CAP1: variants seen among roughly 807,000 people sequenced by gnomAD.
CAP1 encodes cyclase associated actin cytoskeleton regulatory protein 1, also known as adenylyl cyclase-associated protein 1.
A neutral mutation model predicts 58.2 loss-of-function variants in CAP1; 11 were observed. The observed-to-expected ratio is 0.19, with a 90% CI of 0.12 to 0.31. The LOEUF is 0.31. CAP1 is among the 10% of genes least tolerant of loss of function. CAP1 has a pLI of 1.00. For synonymous variants in CAP1, 183 were observed against 213.8 expected (o/e 0.86, Z 1.26); for missense variants, 423 against 587.5 (o/e 0.72, Z 2.89).
At chr1:40,045,388 T>C (rs1351047149) in intron 1 of CAP1, among the ~76,000 whole-genome samples, 1 of 152,170 alleles carries the variant, frequency 6.6e-6, no homozygotes, top group Non-Finnish European at 1.5e-5. Context: ...GAATCATTTG[T>C]TTCTGTTGAA....
rs1647736848 is a variant in CAP1, at chr1:40,070,627, G to C, written c.1200+115G>C. ...TCTGATTCTACAAAGTCTGTAAGCT[G>C]AGCTGCTTTGGACGTGGCAGAAGAA... On this transcript the variant is annotated intron_variant, in intron 11 of 12. Transcript: ENST00000372805. 4.8e-6 allele frequency: 5 copies of C among 1,034,358 alleles called. No homozygotes were observed. In the Admixed American group the frequency reaches 5.8e-5, roughly 12 times the overall value. The allele number at this position is 1,034,358 out of a possible 1,614,324, so 64.1% of individuals were successfully genotyped here.
rs139305765 is a variant in CAP1 at position 40,054,845 on chromosome 1, C to T, written c.-10-4492C>T. ...TAGTAGAGATGGGATTTAGTAGAGA[C>T]GGGGTTTTGCCATGTTGGCCAGGCT... On this transcript the variant is annotated intron_variant, in intron 1 of 12. Coordinates refer to ENST00000372805, the MANE Select transcript of CAP1 (RefSeq NM_006367.4). Among the ~76,000 whole-genome samples, 120 of 152,122 alleles carry T rather than the reference C, an allele frequency of 7.9e-4. 1 individual carries two copies. The highest frequency in any genetic ancestry group is 2.4e-3 in the African/African-American group (98 of 41,494).
intron 4 of CAP1, among the ~76,000 whole-genome samples, chr1:40,062,324 G>A (rs115729536): frequency 0.019 from 2,942 of 152,190 alleles, 45 homozygotes; most frequent in Non-Finnish European, 0.032. Flanking sequence ...AAGAATATAG[G>A]TTTCCTTCTT....
intron 10 of CAP1, 32 bp downstream of exon 10, chr1:40,070,314 C>T (rs563784300): frequency 1.3e-5 from 21 of 1,613,458 alleles, no homozygotes; most frequent in African/African-American, 5.3e-5. Context: ...ACGCAAGCCC[C>T]GTCCCAGAGC....
rs556366380 is a variant in CAP1, at chr1:40,068,993, G to A, written c.809-697G>A. ...GACTACAGCACCTGCCACCACACCC[G>A]GCTAATTTTTTTGTACTTTTAGTAG... On this transcript the variant is annotated intron_variant, in intron 8 of 12. Transcript: ENST00000372805. Among the ~76,000 whole-genome samples, 7 of 152,032 alleles carry A rather than the reference G, an allele frequency of 4.6e-5. No homozygotes were observed. The East Asian group carries it at 7.7e-4, about 17-fold the overall frequency.
chr1:40,046,272 A>G (rs1178279080), intron 1 of CAP1, among the ~76,000 whole-genome samples: 2 of 152,202 alleles, frequency 1.3e-5, no homozygotes, highest in African/African-American at 4.8e-5. Flanking sequence ...CCTGGCCAAC[A>G]TGGTAAAACC....
At chr1:40,058,314 C>T (rs1167204406) in intron 1 of CAP1, among the ~76,000 whole-genome samples, 4 of 152,162 alleles carry the variant, frequency 2.6e-5, no homozygotes, top group Admixed American at 6.5e-5. Context: ...ATATATTACT[C>T]CCCTCTTTGA....
chr1:40,066,397 T>A, intron 7 of CAP1, 77 bp downstream of exon 7: 2 of 704,896 alleles, frequency 2.8e-6, no homozygotes, highest in Non-Finnish European at 5.1e-6. Flanking sequence ...TTTCTTAGAC[T>A]TCAGCACTAC....
Position 40,069,811 on chromosome 1 carries a change from C to G in CAP1, c.930C>G (p.Ser310=), listed in dbSNP as rs1647481955. The change falls in exon 9 of 13, where the codon TCC becomes TCG. Residue 310 remains serine, a synonymous_variant. Transcript: ENST00000372805. ...FSAPKPQTSP[S]PKRATKKEPA... ...CACCTAAACCCCAAACCAGCCCATC[C>G]CCCAAACGAGCCACAAAGAAGGAGC... 6 of 1,602,992 alleles carry G rather than the reference C, an allele frequency of 3.7e-6. No homozygotes were observed. Among genetic ancestry groups the G allele is most frequent in the African/African-American group, 1.3e-5 (1 of 74,544 alleles).
At chr1:40,044,489 C>G (rs984869648) in intron 1 of CAP1, among the ~76,000 whole-genome samples, 1 of 152,164 alleles carries the variant, frequency 6.6e-6, no homozygotes, top group African/African-American at 2.4e-5. Context: ...TTCAGTTTCT[C>G]TATGACAACC....
intron 1 of CAP1, among the ~76,000 whole-genome samples, chr1:40,049,248 G>A (rs992742222): frequency 1.4e-5 from 2 of 144,214 alleles, no homozygotes; most frequent in South Asian, 2.3e-4. Flanking sequence ...GTGCAGTGGC[G>A]CGATCTCGGC....
chr1:40,051,566 G>T (rs12406090), intron 1 of CAP1, among the ~76,000 whole-genome samples: 21,113 of 152,010 alleles, frequency 0.14, 1,740 homozygotes, highest in East Asian at 0.23. Context: ...TTTGTTTGGG[G>T]TTTTTTTGTT....
chr1:40,058,611 T>C (rs1646714787), intron 1 of CAP1, among the ~76,000 whole-genome samples: 1 of 151,908 alleles, frequency 6.6e-6, no homozygotes, highest in Admixed American at 6.6e-5. Context: ...CCTATAACCC[T>C]AGCTACTTGG....
intron 1 of CAP1, among the ~76,000 whole-genome samples, chr1:40,047,949 G>A (rs1646179788): frequency 6.6e-6 from 1 of 152,140 alleles, no homozygotes; most frequent in African/African-American, 2.4e-5. Flanking sequence ...TAAACCTCGG[G>A]TGGCAGTGAC....
intron 1 of CAP1, among the ~76,000 whole-genome samples, chr1:40,048,265 A>G (rs1284720611): frequency 1.3e-5 from 2 of 150,842 alleles, no homozygotes; most frequent in African/African-American, 4.9e-5. Context: ...CTGGTCTCGA[A>G]CTCCTGACCT....
Position 40,040,764 on chromosome 1 carries a change from C to G in CAP1, c.-48C>G, listed in dbSNP as rs1025753395. 6.5e-6 allele frequency: 1 copy of G among 152,970 alleles called. No individual in the cohort carries two copies. Among genetic ancestry groups the G allele is most frequent in the South Asian group, 2.1e-4 (1 of 4,836 alleles). The allele number at this position is 152,970 out of a possible 1,614,324, so 9.5% of individuals were successfully genotyped here. On this transcript the variant is annotated 5_prime_UTR_variant, in exon 1 of 13. Transcript: ENST00000372805. ...GGCGGTTCTTGCCGGAAGCGGAGAG[C>G]GGCTGATCGCAGTCCGGAGGTGAGG... is the stretch of plus-strand genomic sequence containing the variant.
Position 40,071,927 on chromosome 1 carries a change from A to G in CAP1, c.*394A>G, listed in dbSNP as rs1648116438. 3 of 411,620 alleles carry G rather than the reference A, an allele frequency of 7.3e-6. No homozygotes were observed. The highest frequency in any genetic ancestry group is 1.0e-4 in the South Asian group (1 of 9,934). The allele number at this position is 411,620 out of a possible 1,614,324, so 25.5% of individuals were successfully genotyped here. On this transcript the variant is annotated 3_prime_UTR_variant, in exon 13 of 13. Transcript: ENST00000372805. ...CACACTGGTTAATCTTTTTTTAACA[A>G]TGAGCATGAAGGTAGCAGAAGCTGG...
At chr1:40,071,207 T>C (rs1337200349) in intron 12 of CAP1, among the ~76,000 whole-genome samples, 6 of 152,182 alleles carry the variant, frequency 3.9e-5, no homozygotes, top group Non-Finnish European at 8.8e-5. Context: ...GGATGAGCCA[T>C]GGCACCTTGT....
intron 4 of CAP1, among the ~76,000 whole-genome samples, chr1:40,062,216 T>G (rs1646881068): frequency 1.3e-5 from 1 of 77,302 alleles, no homozygotes; most frequent in Non-Finnish European, 3.3e-5. Flanking sequence ...CTTCACTGGT[T>G]GGGAGACTCT....
Sources: allele counts gnomAD v4.1 joint callset (sites outside exome capture counted in the v4.1 genomes callset), GRCh38; gene constraint gnomAD v4.1.1; transcripts MANE v1.5; gene names NCBI Gene and HGNC (gene_info 2026-07-23, HGNC 2026-07-21).